The following CLMN variants were observed in gnomAD, a reference collection of about 807,000 sequenced individuals.
CLMN encodes the protein calmin.
CLMN carries 57 observed loss-of-function variants against 92.7 expected under a neutral mutation model. The ratio of observed to expected loss-of-function variants is 0.61; its 90% CI spans 0.50 to 0.77. The LOEUF is 0.77. CLMN is among the 30% of genes least tolerant of loss of function. The pLI, the probability that CLMN is intolerant of heterozygous loss-of-function variation, is 0.00. For synonymous variants in CLMN, 466 were observed against 470.6 expected (o/e 0.99, Z 0.13); for missense variants, 1,158 against 1,237.5 (o/e 0.94, Z 0.96).
At chr14:95,257,674 C>T (rs1899055835) in intron 1 of CLMN, among the ~76,000 whole-genome samples, 1 of 152,222 alleles carries the variant, frequency 6.6e-6, no homozygotes, top group Non-Finnish European at 1.5e-5. Flanking sequence ...CACACCCCAG[C>T]CACGTGGCTA....
chr14:95,214,554 T>C (rs539060145), intron 5 of CLMN, among the ~76,000 whole-genome samples: 70 of 152,124 alleles, frequency 4.6e-4, no homozygotes, highest in Admixed American at 8.5e-4. Context: ...TCTTGCTCTG[T>C]TTCCAGGGCT....
intron 1 of CLMN, among the ~76,000 whole-genome samples, chr14:95,234,943 T>C (rs1181967992): frequency 6.6e-6 from 1 of 152,238 alleles, no homozygotes; most frequent in Non-Finnish European, 1.5e-5. Context: ...ACTTTCTACA[T>C]ATTGATAATA....
At chr14:95,271,747 C>T (rs1379484015) in intron 1 of CLMN, among the ~76,000 whole-genome samples, 1 of 152,224 alleles carries the variant, frequency 6.6e-6, no homozygotes, top group Admixed American at 6.5e-5. Flanking sequence ...TGCATAACTA[C>T]CACTCAGATC....
intron 1 of CLMN, among the ~76,000 whole-genome samples, chr14:95,293,429 C>T (rs73333285): frequency 8.2e-4 from 122 of 148,194 alleles, no homozygotes; most frequent in African/African-American, 3.0e-3. Flanking sequence ...TCAATACCTC[C>T]TTCCTCCCTT....
chr14:95,204,499 AAC>A, intron 8 of CLMN, 36 bp from the exon 9 acceptor site: 1 of 1,512,496 alleles, frequency 6.6e-7, no homozygotes, highest in Non-Finnish European at 8.8e-7. Flanking sequence ...AACAAAAAAA[AAC>A]AAAAGAACAA....
chr14:95,312,863 C>T (rs1015597363), intron 1 of CLMN, among the ~76,000 whole-genome samples: 2 of 152,076 alleles, frequency 1.3e-5, no homozygotes, highest in African/African-American at 2.4e-5. Flanking sequence ...CTGACTTTAG[C>T]AAAAACATCA....
At chr14:95,222,927 G>A (rs1388445331) in intron 3 of CLMN, among the ~76,000 whole-genome samples, 1 of 152,216 alleles carries the variant, frequency 6.6e-6, no homozygotes, top group Non-Finnish European at 1.5e-5. Flanking sequence ...GCTGAGCTAT[G>A]GTTTGGTAGA....
intron 4 of CLMN, among the ~76,000 whole-genome samples, chr14:95,216,051 T>C (rs747940135): frequency 6.6e-6 from 1 of 152,206 alleles, no homozygotes; most frequent in Non-Finnish European, 1.5e-5. Context: ...CTCATGTTGC[T>C]GCAAAGATAC....
chr14:95,185,938 G>T lies in CLMN; in HGVS notation c.*5626C>A, dbSNP rs1896430567. The T allele has an allele frequency of 6.6e-6, 1 of 152,238 alleles. No individual in the cohort carries two copies. Among genetic ancestry groups the T allele is most frequent in the South Asian group, 2.1e-4 (1 of 4,830 alleles). 9.4% of individuals were successfully genotyped at this position (152,238 alleles called of 1,614,324 possible). A position where few individuals can be genotyped will look rare whatever the true frequency, so the allele number is the denominator to read the frequency against. On this transcript the variant is annotated 3_prime_UTR_variant, in exon 13 of 13. Transcript: ENST00000298912. ...CACCAAAGCAGCCATGATGGATTCT[G>T]ACATTTTCGTAAGACACATCTGTAC...
chr14:95,211,823 G>A (rs894700310), intron 6 of CLMN, among the ~76,000 whole-genome samples: 1 of 152,064 alleles, frequency 6.6e-6, no homozygotes, highest in African/African-American at 2.4e-5. Context: ...ACCAATACTG[G>A]TCCAAGACAA....
intron 9 of CLMN, 118 bp downstream of exon 9, chr14:95,202,720 T>C (rs1185117537): frequency 3.7e-5 from 42 of 1,141,124 alleles, no homozygotes; most frequent in Non-Finnish European, 4.6e-5. Flanking sequence ...TGCACCATAG[T>C]AGTCCCAAGG....
intron 8 of CLMN, among the ~76,000 whole-genome samples, chr14:95,205,002 G>T (rs1897007983): frequency 6.6e-6 from 1 of 152,226 alleles, no homozygotes; most frequent in African/African-American, 2.4e-5. Flanking sequence ...ATTTTGCTGT[G>T]TAAGAGCCAG....
chr14:95,226,540 A>C (rs1897716993), intron 2 of CLMN, among the ~76,000 whole-genome samples: 1 of 152,034 alleles, frequency 6.6e-6, no homozygotes, highest in Non-Finnish European at 1.5e-5. Flanking sequence ...TCGCAACAGA[A>C]TCTCTGGGAG....
intron 3 of CLMN, among the ~76,000 whole-genome samples, chr14:95,222,916 G>A (rs890597549): frequency 6.6e-6 from 1 of 152,194 alleles, no homozygotes; most frequent in East Asian, 1.9e-4. Flanking sequence ...GCTCTGTGCT[G>A]GCTGAGCTAT....
In CLMN at chr14:95,203,274, C is replaced by T; in HGVS notation, c.2075G>A (p.Ser692Asn). 9.3e-6 allele frequency: 15 copies of T among 1,614,020 alleles called. No homozygotes were observed. Among genetic ancestry groups the T allele is most frequent in the Non-Finnish European group, 1.3e-5 (15 of 1,180,018 alleles). ...VGEELSSSPP[S>N]SCVSLETLGS... The stretch of plus-strand genomic sequence containing the variant: ...AAGGGTCTCCAAGCTGACACAGCTG[C>T]TTGGGGGGCTGGAAGATAATTCCTC... The change falls in exon 9 of 13, where the codon AGC becomes AAC. Residue 692 changes from serine to asparagine, a missense_variant. Physicochemically the swap from Ser to Asn is conservative, Grantham distance 46 (BLOSUM62 1). Transcript: ENST00000298912.
intron 1 of CLMN, among the ~76,000 whole-genome samples, chr14:95,282,651 G>A (rs890781311): frequency 1.3e-5 from 2 of 152,192 alleles, no homozygotes; most frequent in African/African-American, 2.4e-5. Context: ...AAAACCACAA[G>A]GACAAAGAGT....
At chr14:95,227,226 A>G (rs1215605207) in intron 2 of CLMN, among the ~76,000 whole-genome samples, 1 of 152,078 alleles carries the variant, frequency 6.6e-6, no homozygotes, top group Non-Finnish European at 1.5e-5. Flanking sequence ...TTCATTTTTT[A>G]TGGAGGAAGG....
intron 1 of CLMN, among the ~76,000 whole-genome samples, chr14:95,281,971 C>A (rs1900160365): frequency 6.6e-6 from 1 of 152,180 alleles, no homozygotes; most frequent in Non-Finnish European, 1.5e-5. Flanking sequence ...CACGAAAGAG[C>A]TGCCCTATTT....
chr14:95,306,297 A>T lies in CLMN; in HGVS notation c.82+13414T>A, dbSNP rs113138143. 9.1e-3 allele frequency among the ~76,000 whole-genome samples: 1,387 copies of T among 152,242 alleles called. 28 individuals carry two copies. The highest frequency in any genetic ancestry group is 0.032 in the African/African-American group (1,324 of 41,528). On this transcript the variant is annotated intron_variant, in intron 1 of 12. Transcript: ENST00000298912. The stretch of plus-strand genomic sequence containing the variant: ...GAAGCTGAGGTGGGCAGATTACTTA[A>T]AGTCAGGAGTTCGAGACCAGCCTGG...
Sources: gnomAD v4.1 joint callset for allele counts (sites outside exome capture counted in the v4.1 genomes callset) on GRCh38, gnomAD v4.1.1 for gene constraint, MANE v1.5 for transcripts, NCBI Gene and HGNC (gene_info 2026-07-23, HGNC 2026-07-21) for gene names.